Variants in TREX2 observed in about 807,000 individuals in gnomAD.
The protein encoded by TREX2 is 3'-5' exonuclease TREX2 long form.
For missense variants in TREX2, 242 were observed against 235.3 expected (o/e 1.03, Z -0.19); for synonymous variants, 121 against 112.1 (o/e 1.08, Z -0.50).
chrX:153,445,234 G>A lies in TREX2; in HGVS notation c.197C>T (p.Pro66Leu), dbSNP rs144682302. The change falls in exon 2 of 2, where the codon CCG becomes CTG. Residue 66 changes from proline (P) to leucine (L), a missense_variant. Coordinates refer to ENST00000370231, the MANE Select transcript of TREX2 (RefSeq NM_080701.4). ...VLDKLTLCMC[P>L]ERPFTAKASE... ...GGCCTTGGCAGTGAAGGGGCGCTCC[G>A]GGCACATGCACAGCGTGAGCTTGTC... 28 of 1,201,794 alleles carry A rather than the reference G, an allele frequency of 2.3e-5. No homozygotes were observed. Among genetic ancestry groups the A allele is most frequent in the Admixed American group, 1.3e-4 (6 of 45,233 alleles).
rs781909127 is a variant in TREX2 at position 153,444,982 on chromosome X, G to A, written c.449C>T (p.Ala150Val). ...RDTVCLDTLP[A>V]LRGLDRAHSH... ...GTGGGCGCGGTCCAGGCCCCGCAGG[G>A]CCGGCAGCGTGTCCAGGCAGACAGT... The change falls in exon 2 of 2, where the codon GCC (alanine) becomes GTC (valine). Residue 150 changes from alanine to valine, a missense_variant. Ala to Val is a moderately conservative substitution (Grantham distance 64). Coordinates refer to ENST00000370231, the MANE Select transcript of TREX2 (RefSeq NM_080701.4). 5.1e-6 allele frequency: 6 copies of A among 1,177,894 alleles called. No homozygotes were observed. In the African/African-American group the frequency reaches 1.1e-4, roughly 21 times the overall value.
rs374329493 is a variant in TREX2 at position 153,444,758 on chromosome X, T to G, written c.673A>C (p.Met225Leu). ...QARGWAHIEP[M>L]YLPPDDPSLE... ...CTGGGGTCATCAGGCGGCAAGTACA[T>G]GGGCTCGATGTGGGCCCACCCACGG... is the stretch of plus-strand genomic sequence containing the variant. The change falls in exon 2 of 2, where the codon ATG becomes CTG. Residue 225 changes from methionine (M) to leucine (L), a missense_variant. Coordinates refer to ENST00000370231, the MANE Select transcript of TREX2 (RefSeq NM_080701.4). 71 of 1,192,616 alleles carry G rather than the reference T, an allele frequency of 6.0e-5. No homozygotes were observed. Among genetic ancestry groups the G allele is most frequent in the Non-Finnish European group, 7.7e-5 (68 of 887,603 alleles).
intron 1 of TREX2, chrX:153,445,739 C>T (rs868921473): frequency 2.3e-4 from 107 of 460,275 alleles, no homozygotes; most frequent in Middle Eastern, 2.1e-3. Context: ...GCTCAGGGAC[C>T]GCACCTTGGC....
At position 153,445,500 on chromosome X, in the gene TREX2, A is replaced by C; in HGVS notation, c.-65-5T>G. The C allele has an allele frequency of 9.9e-7, 1 of 1,012,760 alleles. No homozygotes were observed. The highest frequency in any genetic ancestry group is 1.3e-6 in the Non-Finnish European group (1 of 752,341). The allele number at this position is 1,012,760 out of a possible 1,213,427, so 83.5% of individuals were successfully genotyped here. The stretch of plus-strand genomic sequence containing the variant: ...GAGAGGCACAAACCCTGAGGACTGG[A>C]GAGAGGGGTTCGCCCGGGCCCTGCT... On this transcript the variant is annotated splice_region_variant and splice_polypyrimidine_tract_variant and intron_variant, in intron 1 of 1. Coordinates refer to ENST00000370231, the MANE Select transcript of TREX2 (RefSeq NM_080701.4).
chrX:153,445,826 A>G (rs1035142732), intron 1 of TREX2, among the ~76,000 whole-genome samples, 183 bp downstream of exon 1: 3 of 112,852 alleles, frequency 2.7e-5, no homozygotes, highest in African/African-American at 9.6e-5. Context: ...CCCTGGAACC[A>G]GCTGCCGGGA....
In TREX2 at chrX:153,445,223, A is replaced by T; in HGVS notation, c.208T>A (p.Phe70Ile). The T allele has an allele frequency of 8.3e-7, 1 of 1,204,562 alleles. No homozygotes were observed. The change falls in exon 2 of 2, where the codon TTC (phenylalanine) becomes ATC (isoleucine). Residue 70 changes from phenylalanine to isoleucine, a missense_variant. By Grantham distance (21) the Phe-to-Ile change is conservative. Transcript: ENST00000370231. ...LTLCMCPERP[F>I]TAKASEITGL... ...GTGATCTCGCTGGCCTTGGCAGTGA[A>T]GGGGCGCTCCGGGCACATGCACAGC... is the stretch of plus-strand genomic sequence containing the variant.
At position 153,444,525 on chromosome X, in the gene TREX2, G is replaced by A. The variant is rs782486862; in HGVS notation, c.*195C>T. Among the ~76,000 whole-genome samples the A allele has an allele frequency of 8.8e-6, 1 of 113,140 alleles. No homozygotes were observed. Among genetic ancestry groups the A allele is most frequent in the South Asian group, 3.6e-4 (1 of 2,775 alleles). ...ACAGCAAACTCTGCTGGGCACCCAG[G>A]CCAGCCGGGAGAGCACGGCCCTGGA... On this transcript the variant is annotated 3_prime_UTR_variant, in exon 2 of 2. Transcript: ENST00000370231.
chrX:153,444,762 C>A lies in TREX2; in HGVS notation c.669G>T (p.Glu223Asp). 1 of 1,194,612 alleles carries A rather than the reference C, an allele frequency of 8.4e-7. No individual in the cohort carries two copies. The highest frequency in any genetic ancestry group is 1.1e-6 in the Non-Finnish European group (1 of 888,173). Residue 223 changes from glutamate to aspartate, a missense_variant, in exon 2 of 2, where the codon GAG (glutamate) becomes GAT (aspartate). Transcript: ENST00000370231. The stretch of plus-strand genomic sequence containing the variant: ...GGTCATCAGGCGGCAAGTACATGGG[C>A]TCGATGTGGGCCCACCCACGGGCCT... ...DEQARGWAHIEPMYLPPDDPS... is the reference protein window; with the variant it reads ...DEQARGWAHIDPMYLPPDDPS...
chrX:153,444,876 G>A lies in TREX2; in HGVS notation c.555C>T (p.Ser185=), dbSNP rs1475481569. ...LFHRYFRAEP[S]AAHSAEGDVH... is the part of the protein sequence containing the mutation. Reference sequence around the variant, plus strand: ...CGTCGCCCTCGGCTGAGTGGGCTGCGCTTGGCTCTGCCCGGAAGTAGCGGT... The same window carrying A: ...CGTCGCCCTCGGCTGAGTGGGCTGCACTTGGCTCTGCCCGGAAGTAGCGGT... The change falls in exon 2 of 2, where the codon AGC becomes AGT. Residue 185 remains serine (S), a synonymous_variant. Coordinates refer to ENST00000370231, the MANE Select transcript of TREX2 (RefSeq NM_080701.4). 5 of 1,204,012 alleles carry A rather than the reference G, an allele frequency of 4.2e-6. No homozygotes were observed. The highest frequency in any genetic ancestry group is 2.3e-4 in the Middle Eastern group (1 of 4,336).
rs370065322 is a variant in TREX2, at chrX:153,445,143, G to C, written c.288C>G (p.Ala96=). ...ARCRKAGFDG[A]VVRTLQAFLS... ...GGAAGGCCTGCAGCGTCCGCACCAC[G>C]GCGCCATCAAAGCCAGCCTTCCGGC... Residue 96 remains alanine (A), a synonymous_variant, in exon 2 of 2, where the codon GCC becomes GCG. Coordinates refer to ENST00000370231, the MANE Select transcript of TREX2 (RefSeq NM_080701.4). 59 of 1,205,423 alleles carry C rather than the reference G, an allele frequency of 4.9e-5. No individual in the cohort carries two copies. The highest frequency in any genetic ancestry group is 6.4e-5 in the Non-Finnish European group (57 of 893,054).
rs1556979371 is a variant in TREX2 at position 153,445,084 on chromosome X, G to A, written c.347C>T (p.Ala116Val). The A allele has an allele frequency of 8.5e-7, 1 of 1,179,527 alleles. No homozygotes were observed. Among genetic ancestry groups the A allele is most frequent in the South Asian group, 1.9e-5 (1 of 52,329 alleles). Residue 116 changes from alanine to valine, a missense_variant, in exon 2 of 2, where the codon GCC becomes GTC. By Grantham distance (64) the Ala-to-Val change is moderately conservative. Transcript: ENST00000370231. ...GAAATCATAATCAAAGCCATTGTGG[G>A]CCACAAGGCAGATGGGCCCTGCCTG... ...SRQAGPICLV[A>V]HNGFDYDFPL... is the part of the protein sequence containing the mutation.
At position 153,444,682 on chromosome X, in the gene TREX2, G is replaced by A. The variant is rs782788838; in HGVS notation, c.*38C>T. The A allele has an allele frequency of 2.8e-5, 33 of 1,159,878 alleles. No individual in the cohort carries two copies. The highest frequency in any genetic ancestry group is 3.8e-5 in the Non-Finnish European group (33 of 867,594). On this transcript the variant is annotated 3_prime_UTR_variant, in exon 2 of 2. Coordinates refer to ENST00000370231, the MANE Select transcript of TREX2 (RefSeq NM_080701.4). Reference sequence around the variant, plus strand: ...GGTAGAGGCCAGCTGAACGGTGGAGGCTGGCACTGTCCATGGCACAGGAGG... The same window carrying A: ...GGTAGAGGCCAGCTGAACGGTGGAGACTGGCACTGTCCATGGCACAGGAGG...
In TREX2 at chrX:153,444,652, G is replaced by A. The variant is rs1272156792; in HGVS notation, c.*68C>T. 4.5e-6 allele frequency: 5 copies of A among 1,112,401 alleles called. No homozygotes were observed. The East Asian group carries it at 1.6e-4, about 36-fold the overall frequency. 91.7% of individuals were successfully genotyped at this position (1,112,401 alleles called of 1,213,427 possible). ...GAGGCTGCCCAGATAGGAGGAGCCG[G>A]GGGTGGTAGAGGCCAGCTGAACGGT... is the stretch of plus-strand genomic sequence containing the variant. On this transcript the variant is annotated 3_prime_UTR_variant, in exon 2 of 2. Transcript: ENST00000370231.
chrX:153,444,845 TG>T lies in TREX2; in HGVS notation c.585del (p.His195GlnfsTer5). The T allele has an allele frequency of 2.5e-6, 3 of 1,202,003 alleles. No individual in the cohort carries two copies. The highest frequency in any genetic ancestry group is 3.4e-6 in the Non-Finnish European group (3 of 891,499). On this transcript the variant is annotated frameshift_variant, in exon 2 of 2. Transcript: ENST00000370231. LOFTEE classifies it low-confidence loss of function (END_TRUNC). ...CGGTGCAGGAAGATCAGGAGCAGGG[TG>T]TGCACGTCGCCCTCGGCTGAGTGGG... ...SAAHSAEGDV[H>X]TLLLIFLHRA... is the part of the protein sequence containing the mutation.
At position 153,444,716 on chromosome X, in the gene TREX2, G is replaced by C. The variant is rs1471280848; in HGVS notation, c.*4C>G. On this transcript the variant is annotated 3_prime_UTR_variant, in exon 2 of 2. Coordinates refer to ENST00000370231, the MANE Select transcript of TREX2 (RefSeq NM_080701.4). Reference sequence around the variant, plus strand: ...GTCCATGGCACAGGAGGTGGCCCTGGTGCTCAGGCCTCCAGGCTGGGGTCA... The same window carrying C: ...GTCCATGGCACAGGAGGTGGCCCTGCTGCTCAGGCCTCCAGGCTGGGGTCA... 8.5e-7 allele frequency: 1 copy of C among 1,179,866 alleles called. No homozygotes were observed. Among genetic ancestry groups the C allele is most frequent in the African/African-American group, 1.8e-5 (1 of 57,108 alleles).
rs1556979562 is a variant in TREX2 at position 153,445,513 on chromosome X, C to T, written c.-65-18G>A. ...CCTGAGGACTGGAGAGAGGGGTTCG[C>T]CCGGGCCCTGCTGTGTACCATCCTC... On this transcript the variant is annotated intron_variant, in intron 1 of 1. Transcript: ENST00000370231. 1.1e-6 allele frequency: 1 copy of T among 951,055 alleles called. No individual in the cohort carries two copies. 78.4% of individuals were successfully genotyped at this position (951,055 alleles called of 1,213,427 possible). A position where few individuals can be genotyped will look rare whatever the true frequency, so the allele number is the denominator to read the frequency against.
chrX:153,444,915 G>A lies in TREX2; in HGVS notation c.516C>T (p.Leu172=), dbSNP rs150316545. ...GGAAGTAGCGGTGGAAGAGGCTGCC[G>A]AGGCTGTAACCCTGGCGGCCCCGGG... ...TRARGRQGYS[L]GSLFHRYFRA... is the part of the protein sequence containing the mutation. The change falls in exon 2 of 2, where the codon CTC becomes CTT. Residue 172 remains leucine, a synonymous_variant. Transcript: ENST00000370231. 1.1e-3 allele frequency: 1,369 copies of A among 1,201,232 alleles called. 17 individuals are homozygous for A. The African/African-American group carries it at 0.019, about 17-fold the overall frequency.
chrX:153,445,584 C>T (rs2089153480), intron 1 of TREX2, 89 bp from the exon 2 acceptor site: 1 of 569,179 alleles, frequency 1.8e-6, no homozygotes, highest in Non-Finnish European at 3.0e-6. Flanking sequence ...TTCCTGCCAC[C>T]CCCGACCACA....
chrX:153,445,749 C>T (rs781987911), intron 1 of TREX2: 13 of 451,525 alleles, frequency 2.9e-5, no homozygotes, highest in Non-Finnish European at 4.7e-5. Flanking sequence ...CGCACCTTGG[C>T]GGGGTCCAGC....
Sources: gnomAD v4.1 joint callset for allele counts (sites outside exome capture counted in the v4.1 genomes callset) on GRCh38, gnomAD v4.1.1 for gene constraint, MANE v1.5 for transcripts, NCBI Gene and HGNC (gene_info 2026-07-23, HGNC 2026-07-21) for gene names.